GLIS3: variants seen among roughly 807,000 people sequenced by gnomAD.
The protein encoded by GLIS3 is zinc finger protein GLIS3.
In GLIS3, 53 loss-of-function variants were observed where a neutral mutation model predicts 78.6. The observed-to-expected ratio is 0.67, with a 90% CI of 0.54 to 0.85. The LOEUF (loss-of-function observed/expected upper bound fraction) is 0.85, where lower values mean the gene tolerates loss of function less well. Among genes scored for constraint, GLIS3 ranks in the 40% least tolerant of loss-of-function variants. GLIS3 has a pLI of 0.00. For synonymous variants in GLIS3, 684 were observed against 509.9 expected, an observed-to-expected ratio of 1.34 and a Z score of -4.60; for missense variants, 1,703 against 1,231.1, an observed-to-expected ratio of 1.38 and a Z score of -5.74.
intron 2 of GLIS3, among the ~76,000 whole-genome samples, chr9:4,315,559 G>C (rs931158680): frequency 3.3e-5 from 5 of 152,048 alleles, no homozygotes; most frequent in African/African-American, 1.2e-4. Flanking sequence ...ACCCTCTGCC[G>C]CCTACATGCC....
intron 4 of GLIS3, among the ~76,000 whole-genome samples, chr9:4,022,131 TTTCTCATTTAA>T (rs1263111664): frequency 6.6e-6 from 1 of 152,190 alleles, no homozygotes; most frequent in Non-Finnish European, 1.5e-5. Context: ...TTAGATAGAA[TTTCTCATTTAA>T]TTCTTACAGC....
intron 8 of GLIS3, among the ~76,000 whole-genome samples, chr9:3,857,556 A>G (rs893117965): frequency 6.6e-6 from 1 of 152,240 alleles, no homozygotes; most frequent in Non-Finnish European, 1.5e-5. Flanking sequence ...AGTGAATGTA[A>G]GAACCAAGAA....
chr9:3,889,083 A>ATACTT (rs1822260343), intron 7 of GLIS3, among the ~76,000 whole-genome samples: 1 of 152,026 alleles, frequency 6.6e-6, no homozygotes. Context: ...AGAATTTGAG[A>ATACTT]TACTTTCCTT....
intron 9 of GLIS3, among the ~76,000 whole-genome samples, chr9:3,834,743 G>A (rs748410675): frequency 1.3e-5 from 2 of 152,062 alleles, no homozygotes; most frequent in Non-Finnish European, 2.9e-5. Flanking sequence ...TTCAATCTTT[G>A]TGGAAGGAAC....
upstream of GLIS3, among the ~76,000 whole-genome samples, chr9:4,304,256 G>C (rs960473529): frequency 2.6e-5 from 4 of 152,156 alleles, no homozygotes; most frequent in African/African-American, 4.8e-5. Flanking sequence ...AAGGCGTCTT[G>C]TTATCAATGT....
At chr9:3,948,073 C>T (rs1218756149) in intron 4 of GLIS3, among the ~76,000 whole-genome samples, 10 of 152,208 alleles carry the variant, frequency 6.6e-5, no homozygotes, top group Non-Finnish European at 1.3e-4. Flanking sequence ...GCAGCTCCAT[C>T]GTCCTAGGAT....
chr9:4,312,131 T>A (rs535696178), intron 2 of GLIS3, among the ~76,000 whole-genome samples: 2 of 152,034 alleles, frequency 1.3e-5, no homozygotes, highest in Non-Finnish European at 2.9e-5. Flanking sequence ...CCTCTGAACC[T>A]AAAATAAAAG....
chr9:4,140,530 T>G (rs528719591), intron 2 of GLIS3, among the ~76,000 whole-genome samples: 2 of 152,300 alleles, frequency 1.3e-5, no homozygotes, highest in South Asian at 4.2e-4. Context: ...AAGATTACAT[T>G]ATTTTGCATT....
intron 4 of GLIS3, among the ~76,000 whole-genome samples, chr9:4,096,984 C>T (rs537407058): frequency 1.3e-5 from 2 of 152,280 alleles, no homozygotes; most frequent in African/African-American, 4.8e-5. Context: ...TGCACTCCAG[C>T]CTGGGCAACA....
chr9:4,474,390 CAAATAG>C, the GLIS3 span, among the ~76,000 whole-genome samples: 1 of 152,116 alleles, frequency 6.6e-6, no homozygotes, highest in Non-Finnish European at 1.5e-5. Context: ...CGCAGACACA[CAAATAG>C]AAAGTTCAGA....
upstream of GLIS3, among the ~76,000 whole-genome samples, chr9:4,302,585 T>C (rs928416061): frequency 1.3e-5 from 2 of 152,220 alleles, no homozygotes; most frequent in African/African-American, 4.8e-5. Context: ...TCAAATCAAA[T>C]GTATGATGTG....
chr9:4,235,689 C>A (rs573600267), intron 2 of GLIS3, among the ~76,000 whole-genome samples: 1 of 151,928 alleles, frequency 6.6e-6, no homozygotes, highest in Non-Finnish European at 1.5e-5. Context: ...AAAACTCCAT[C>A]GGGGCACTGA....
At chr9:4,246,887 T>G (rs1385618244) in intron 2 of GLIS3, among the ~76,000 whole-genome samples, 2 of 152,236 alleles carry the variant, frequency 1.3e-5, no homozygotes, top group Non-Finnish European at 2.9e-5. Context: ...AGATAATCTC[T>G]TATTTTCTCC....
intron 4 of GLIS3, among the ~76,000 whole-genome samples, chr9:4,089,771 A>G (rs987114418): frequency 6.6e-6 from 1 of 152,162 alleles, no homozygotes; most frequent in Non-Finnish European, 1.5e-5. Flanking sequence ...GTGAGCTACG[A>G]TCATGCCACT....
At chr9:4,178,651 C>A (rs942501733) in intron 2 of GLIS3, among the ~76,000 whole-genome samples, 1 of 152,176 alleles carries the variant, frequency 6.6e-6, no homozygotes, top group Non-Finnish European at 1.5e-5. Flanking sequence ...ATCATAAACA[C>A]AGGAAAATAA....
chr9:4,241,274 G>T (rs934634686), intron 2 of GLIS3, among the ~76,000 whole-genome samples: 2 of 152,108 alleles, frequency 1.3e-5, no homozygotes, highest in Non-Finnish European at 2.9e-5. Context: ...GCAATTCATT[G>T]TCAGCTCAAC....
At chr9:3,883,806 G>A (rs1237037760) in intron 7 of GLIS3, among the ~76,000 whole-genome samples, 2 of 152,222 alleles carry the variant, frequency 1.3e-5, no homozygotes, top group Non-Finnish European at 2.9e-5. Context: ...AAGCACAGCA[G>A]AGGAACATAT....
At chr9:4,396,349 C>T in the GLIS3 span, among the ~76,000 whole-genome samples, 1 of 151,848 alleles carries the variant, frequency 6.6e-6, no homozygotes, top group Non-Finnish European at 1.5e-5. Flanking sequence ...AGGCTGATCT[C>T]GAACTCCTGA....
At chr9:3,882,742 G>A (rs1372987740) in intron 7 of GLIS3, among the ~76,000 whole-genome samples, 1 of 152,142 alleles carries the variant, frequency 6.6e-6, no homozygotes, top group Non-Finnish European at 1.5e-5. Context: ...GGCCCCATGA[G>A]AACAAGAAAG....
Sources: allele counts gnomAD v4.1 joint callset (sites outside exome capture counted in the v4.1 genomes callset), GRCh38; gene constraint gnomAD v4.1.1; transcripts MANE v1.5; gene names NCBI Gene and HGNC (gene_info 2026-07-23, HGNC 2026-07-21).